The following SKAP2 variants were observed in gnomAD, a reference collection of about 807,000 sequenced individuals.
SKAP2 encodes the protein src kinase-associated phosphoprotein 2.
In SKAP2, 28 loss-of-function variants were observed where a neutral mutation model predicts 54.9. The observed-to-expected ratio is 0.51, with a 90% CI of 0.38 to 0.70. The LOEUF is 0.70. Among genes scored for constraint, SKAP2 ranks in the 30% least tolerant of loss-of-function variants. The pLI is 0.00. For synonymous variants in SKAP2, 137 were observed against 134.3 expected (o/e 1.02, Z -0.14); for missense variants, 356 against 424.1 (o/e 0.84, Z 1.41).
intron 4 of SKAP2, among the ~76,000 whole-genome samples, chr7:26,748,704 T>C (rs1435618538): frequency 6.6e-6 from 1 of 152,066 alleles, no homozygotes; most frequent in Non-Finnish European, 1.5e-5. Flanking sequence ...TCTCCTTAAG[T>C]TAAAAATATA....
intron 4 of SKAP2, among the ~76,000 whole-genome samples, chr7:26,792,107 A>C (rs1017728094): frequency 3.3e-5 from 5 of 152,236 alleles, no homozygotes; most frequent in Non-Finnish European, 5.9e-5. Context: ...TACATATTGT[A>C]TAATACTATT....
At chr7:26,685,637 C>T (rs1696895058) in intron 10 of SKAP2, among the ~76,000 whole-genome samples, 1 of 152,128 alleles carries the variant, frequency 6.6e-6, no homozygotes, top group South Asian at 2.1e-4. Context: ...GCTCAAACTG[C>T]CATACAGACC....
chr7:26,770,398 G>C lies in SKAP2; in HGVS notation c.308-30434C>G, dbSNP rs1783162258. ...GATCTTAGCTTGCTGGGCTCTGTGG[G>C]GGTGGGATCTGCTGAGCAAGACTAC... is the stretch of plus-strand genomic sequence containing the variant. On this transcript the variant is annotated intron_variant, in intron 4 of 12. Transcript: ENST00000345317. Among the ~76,000 whole-genome samples, 4 of 152,158 alleles carry C rather than the reference G, an allele frequency of 2.6e-5. No individual in the cohort carries two copies. In the South Asian group the frequency reaches 8.3e-4, roughly 32 times the overall value.
intron 10 of SKAP2, among the ~76,000 whole-genome samples, chr7:26,686,333 G>C (rs2127937913): frequency 6.6e-6 from 1 of 152,106 alleles, no homozygotes; most frequent in East Asian, 1.9e-4. Flanking sequence ...AGGGACAATG[G>C]GAGTGGAGAG....
At chr7:26,681,752 A>G (rs1786506229) in intron 11 of SKAP2, among the ~76,000 whole-genome samples, 1 of 152,198 alleles carries the variant, frequency 6.6e-6, no homozygotes, top group Non-Finnish European at 1.5e-5. Flanking sequence ...ATTTCTTTAC[A>G]AAGTACACAT....
At chr7:26,725,764 G>A (rs1787692951) in intron 8 of SKAP2, among the ~76,000 whole-genome samples, 159 bp downstream of exon 8, 1 of 152,114 alleles carries the variant, frequency 6.6e-6, no homozygotes, top group African/African-American at 2.4e-5. Context: ...TAGAAAAGAT[G>A]CTGTTTAAAA....
chr7:26,843,110 G>C (rs1047283301), intron 4 of SKAP2, among the ~76,000 whole-genome samples: 7 of 152,026 alleles, frequency 4.6e-5, no homozygotes, highest in Non-Finnish European at 8.8e-5. Flanking sequence ...AGCAATTTAT[G>C]TTTCCAAAGG....
chr7:26,740,923 G>A (rs1484861072), intron 4 of SKAP2, among the ~76,000 whole-genome samples: 5 of 152,026 alleles, frequency 3.3e-5, no homozygotes, highest in African/African-American at 1.2e-4. Context: ...AGGAGGCAGA[G>A]GTTGCAGTGA....
intron 4 of SKAP2, among the ~76,000 whole-genome samples, chr7:26,783,875 T>C (rs1210504775): frequency 1.3e-5 from 2 of 151,914 alleles, no homozygotes; most frequent in South Asian, 2.1e-4. Flanking sequence ...CACACCAGCA[T>C]GGCACATGTA....
At chr7:26,710,902 T>C (rs182346223) in intron 9 of SKAP2, among the ~76,000 whole-genome samples, 11 of 152,304 alleles carry the variant, frequency 7.2e-5, no homozygotes, top group Middle Eastern at 3.4e-3. Flanking sequence ...ATGTGTTAAT[T>C]TCCAGAATGC....
intron 3 of SKAP2, among the ~76,000 whole-genome samples, chr7:26,852,629 C>T (rs1411410930): frequency 2.0e-5 from 3 of 152,142 alleles, no homozygotes; most frequent in Non-Finnish European, 2.9e-5. Context: ...TCTTTAGAGA[C>T]AAAGAATGTA....
In SKAP2 at chr7:26,775,350, T is replaced by G. The variant is rs546841179; in HGVS notation, c.308-35386A>C. On this transcript the variant is annotated intron_variant, in intron 4 of 12. Transcript: ENST00000345317. ...CTGACTTTTAAATTTTTTTGAAATT[T>G]TTATTGAGATACTTTTAGATTCACA... Among the ~76,000 whole-genome samples, 65 of 152,296 alleles carry G rather than the reference T, an allele frequency of 4.3e-4. 1 individual carries two copies. Among genetic ancestry groups the G allele is most frequent in the Middle Eastern group, 6.8e-3 (2 of 292 alleles).
At chr7:26,851,201 T>G (rs1584426732) in intron 3 of SKAP2, among the ~76,000 whole-genome samples, 1 of 151,122 alleles carries the variant, frequency 6.6e-6, no homozygotes, top group Middle Eastern at 3.4e-3. Flanking sequence ...GCTGATCTCT[T>G]TAGCCCAGGA....
chr7:26,840,309 C>T (rs1009572776), intron 4 of SKAP2, among the ~76,000 whole-genome samples: 2 of 152,088 alleles, frequency 1.3e-5, no homozygotes, highest in Non-Finnish European at 2.9e-5. Flanking sequence ...TGGGATCCTT[C>T]GACCTATCGT....
At chr7:26,790,535 A>G (rs1175113378) in intron 4 of SKAP2, among the ~76,000 whole-genome samples, 1 of 152,212 alleles carries the variant, frequency 6.6e-6, no homozygotes, top group Non-Finnish European at 1.5e-5. Context: ...TACCAGTTAT[A>G]ATTCAATTAC....
In SKAP2 at chr7:26,667,629, T is replaced by G. The variant is rs750505437; in HGVS notation, c.*2037A>C. The G allele has an allele frequency of 7.2e-5, 11 of 152,598 alleles. No individual in the cohort carries two copies. Among genetic ancestry groups the G allele is most frequent in the Admixed American group, 1.3e-4 (2 of 15,266 alleles). The allele number at this position is 152,598 out of a possible 1,614,324, so 9.5% of individuals were successfully genotyped here. A position where few individuals can be genotyped will look rare whatever the true frequency, so the allele number is the denominator to read the frequency against. ...TGGCTTGGAACTGTTGGTCATCAGTTGGCAAAGGACTCCCTCTCCTGGATT... is the reference window on the plus strand; with the variant it reads ...TGGCTTGGAACTGTTGGTCATCAGTGGGCAAAGGACTCCCTCTCCTGGATT... On this transcript the variant is annotated 3_prime_UTR_variant, in exon 13 of 13. Coordinates refer to ENST00000345317, the MANE Select transcript of SKAP2 (RefSeq NM_003930.5).
intron 9 of SKAP2, among the ~76,000 whole-genome samples, chr7:26,712,764 T>C (rs1787337819): frequency 6.6e-6 from 1 of 152,234 alleles, no homozygotes. Context: ...TCATATCTTC[T>C]ACATTCTTTT....
rs183147896 is a variant in SKAP2, at chr7:26,714,669, T to C, written c.796+10759A>G. On this transcript the variant is annotated intron_variant, in intron 9 of 12. Transcript: ENST00000345317. ...CTCTTAGGAAGTTGATATTCCCAGC[T>C]GACCTATCTGCAAAAATAGTGAAGC... Among the ~76,000 whole-genome samples the C allele has an allele frequency of 2.6e-5, 4 of 152,334 alleles. No individual in the cohort carries two copies. In the East Asian group the frequency reaches 5.8e-4, roughly 22 times the overall value.
At chr7:26,802,324 T>C (rs375895587) in intron 4 of SKAP2, among the ~76,000 whole-genome samples, 165 of 138,710 alleles carry the variant, frequency 1.2e-3, no homozygotes, top group Admixed American at 4.2e-3. Flanking sequence ...CAGGCTGGAG[T>C]GTAATGGCAT....
Sources: gnomAD v4.1 joint callset for allele counts (sites outside exome capture counted in the v4.1 genomes callset) on GRCh38, gnomAD v4.1.1 for gene constraint, MANE v1.5 for transcripts, NCBI Gene and HGNC (gene_info 2026-07-23, HGNC 2026-07-21) for gene names.